The following ZNF83 variants were observed in gnomAD, a reference collection of about 807,000 sequenced individuals.
ZNF83 encodes the protein zinc finger protein 83, also known as zinc finger protein 816B.
For synonymous variants in ZNF83, 209 were observed against 213.0 expected (o/e 0.98, Z 0.17); for missense variants, 552 against 629.9 (o/e 0.88, Z 1.32).
chr19:52,621,531 CT>C (rs1190373609), intron 2 of ZNF83, among the ~76,000 whole-genome samples: 1 of 152,070 alleles, frequency 6.6e-6, no homozygotes, highest in Admixed American at 6.5e-5. Flanking sequence ...GGACACCTGC[CT>C]TGATCCTCCA....
At chr19:52,670,552 A>G (rs2061711720) in intron 1 of ZNF83, among the ~76,000 whole-genome samples, 1 of 152,234 alleles carries the variant, frequency 6.6e-6, no homozygotes, top group Middle Eastern at 3.2e-3. Context: ...TTTATTTACA[A>G]CACACTTAAA....
Position 52,634,968 on chromosome 19 carries a change from C to G in ZNF83, c.-234+98G>C, listed in dbSNP as rs913416324. ...GGTGAGTGTGAGCAAACCTGTCAGG[C>G]AGGACACTTCTTGAGACCCAGAGAA... On this transcript the variant is annotated intron_variant, in intron 2 of 2. Coordinates refer to ENST00000301096, the Ensembl canonical transcript of ZNF83. 12 of 617,142 alleles carry G rather than the reference C, an allele frequency of 1.9e-5. 2 individuals carry two copies. The South Asian group carries it at 2.0e-4, about 10-fold the overall frequency. The allele number at this position is 617,142 out of a possible 1,614,324, so 38.2% of individuals were successfully genotyped here.
At chr19:52,686,864 C>A (rs367983320) in intron 1 of ZNF83, among the ~76,000 whole-genome samples, 3 of 152,122 alleles carry the variant, frequency 2.0e-5, no homozygotes, top group African/African-American at 4.8e-5. Context: ...TGAGATACCA[C>A]ACCTGGCTTT....
At chr19:52,666,014 A>G (rs1248930807) in intron 1 of ZNF83, among the ~76,000 whole-genome samples, 2 of 151,308 alleles carry the variant, frequency 1.3e-5, no homozygotes, top group African/African-American at 4.9e-5. Context: ...AAAAAAAAAA[A>G]TTAGCCGGGC....
chr19:52,614,763 T>TGGTAATTCCTTGATCTCACATTTA lies in ZNF83; in HGVS notation c.-223_-200dup. On this transcript the variant is annotated 5_prime_UTR_variant, in exon 3 of 3. In the 5' UTR this introduces an upstream ATG that the reference lacks. Transcript: ENST00000301096. The stretch of plus-strand genomic sequence containing the variant: ...CTCCTGTATTACTCTCCTTTTTTGG[T>TGGTAATTCCTTGATCTCACATTTA]GGTAATTCCTTGATCTCACATTTAG... 2 of 1,289,750 alleles carry TGGTAATTCCTTGATCTCACATTTA rather than the reference T, an allele frequency of 1.6e-6. No individual in the cohort carries two copies. Among genetic ancestry groups the TGGTAATTCCTTGATCTCACATTTA allele is most frequent in the Non-Finnish European group, 2.0e-6 (2 of 1,011,146 alleles). 79.9% of individuals were successfully genotyped at this position (1,289,750 alleles called of 1,614,324 possible).
At chr19:52,632,927 G>A (rs771071310) in intron 2 of ZNF83, among the ~76,000 whole-genome samples, 6 of 151,980 alleles carry the variant, frequency 3.9e-5, no homozygotes, top group African/African-American at 9.7e-5. Flanking sequence ...AATCCCGCTC[G>A]AAGCAGCCCA....
intron 1 of ZNF83, among the ~76,000 whole-genome samples, chr19:52,671,951 G>A (rs1366039511): frequency 6.6e-6 from 1 of 152,068 alleles, no homozygotes; most frequent in Non-Finnish European, 1.5e-5. Flanking sequence ...TTATAAAATT[G>A]GCTGGGCACA....
intron 1 of ZNF83, among the ~76,000 whole-genome samples, chr19:52,679,361 AG>A: frequency 6.6e-6 from 1 of 152,354 alleles, no homozygotes; most frequent in Admixed American, 6.5e-5. Flanking sequence ...CTGTAATCCC[AG>A]CACTTTGGGA....
chr19:52,687,420 A>T lies in ZNF83; in HGVS notation c.-283+3023T>A, dbSNP rs868691595. The stretch of plus-strand genomic sequence containing the variant: ...TTTATATAGCTATATAAATTATAAT[A>T]TAAATTATAATTTATATAGCTATAT... On this transcript the variant is annotated intron_variant, in intron 1 of 5. Transcript: ENST00000594682. Among the ~76,000 whole-genome samples, 46 of 46,036 alleles carry T rather than the reference A, an allele frequency of 1.0e-3. 4 individuals are homozygous for T. Among genetic ancestry groups the T allele is most frequent in the African/African-American group, 8.1e-3 (42 of 5,162 alleles). The allele number at this position is 46,036 out of a possible 152,430, so 30.2% of individuals were successfully genotyped here. A position where few individuals can be genotyped will look rare whatever the true frequency, so the allele number is the denominator to read the frequency against.
At chr19:52,617,690 C>G (rs2060363316) in intron 2 of ZNF83, 1 of 143,066 alleles carries the variant, frequency 7.0e-6, no homozygotes, top group Admixed American at 7.3e-5. Flanking sequence ...GAGATCGTGT[C>G]ACTGCACTCC....
chr19:52,659,869 C>T (rs1205127753), intron 2 of ZNF83, among the ~76,000 whole-genome samples: 1 of 152,074 alleles, frequency 6.6e-6, no homozygotes, highest in Admixed American at 6.5e-5. Flanking sequence ...CTAACTCTCA[C>T]CCAAGAGGGA....
intron 3 of ZNF83, among the ~76,000 whole-genome samples, chr19:52,649,620 A>G (rs2061417846): frequency 6.6e-6 from 1 of 152,160 alleles, no homozygotes; most frequent in South Asian, 2.1e-4. Context: ...CGAGCATTTT[A>G]GATAAAACAG....
chr19:52,687,584 A>ATATATAATG lies in ZNF83; in HGVS notation c.-283+2858_-283+2859insCATTATATA, dbSNP rs1555792718. Among the ~76,000 whole-genome samples, 56 of 37,324 alleles carry ATATATAATG rather than the reference A, an allele frequency of 1.5e-3. 14 individuals are homozygous for ATATATAATG. The highest frequency in any genetic ancestry group is 0.015 in the African/African-American group (54 of 3,654). 24.5% of individuals were successfully genotyped at this position (37,324 alleles called of 152,430 possible). ...TTTTATATATATATAAATTTTATATATATATATATATAATGTATATATATA... is the reference window on the plus strand; with the variant it reads ...TTTTATATATATATAAATTTTATATATATATAATGTATATATATATAATGTATATATATA... On this transcript the variant is annotated intron_variant, in intron 1 of 5. Coordinates refer to the ZNF83 transcript ENST00000594682.
At chr19:52,667,642 G>C (rs1244072498) in intron 1 of ZNF83, among the ~76,000 whole-genome samples, 3 of 152,160 alleles carry the variant, frequency 2.0e-5, no homozygotes, top group African/African-American at 7.2e-5. Context: ...AATTCTGTGT[G>C]TAAACATACT....
At chr19:52,618,589 G>A (rs921243554) in intron 2 of ZNF83, 1 of 250,184 alleles carries the variant, frequency 4.0e-6, no homozygotes, top group Non-Finnish European at 7.6e-6. Flanking sequence ...TAGAGATGAC[G>A]TTTCGCCATG....
exon 3 of ZNF83, chr19:52,613,200 T>C (rs201237306): frequency 1.9e-6 from 3 of 1,614,106 alleles, no homozygotes; most frequent in African/African-American, 2.7e-5. Flanking sequence ...ATTTGAAAGG[T>C]TTCTCTCCAG....
At chr19:52,680,774 G>A (rs370869293) in intron 1 of ZNF83, among the ~76,000 whole-genome samples, 37 of 145,836 alleles carry the variant, frequency 2.5e-4, no homozygotes, top group African/African-American at 6.4e-4. Flanking sequence ...CACTACGCCC[G>A]GCTAATTTTT....
intron 1 of ZNF83, among the ~76,000 whole-genome samples, chr19:52,669,482 G>A (rs1476225094): frequency 1.3e-5 from 2 of 152,210 alleles, no homozygotes; most frequent in Non-Finnish European, 2.9e-5. Flanking sequence ...CTACCAGCCA[G>A]ATGTCTTGGG....
chr19:52,681,523 C>G (rs988353416), intron 1 of ZNF83, among the ~76,000 whole-genome samples: 5 of 152,156 alleles, frequency 3.3e-5, no homozygotes, highest in Non-Finnish European at 7.3e-5. Flanking sequence ...ATACACTGTT[C>G]TAAGTGCTTC....
Sources: gnomAD v4.1 joint callset for allele counts (sites outside exome capture counted in the v4.1 genomes callset) on GRCh38, gnomAD v4.1.1 for gene constraint, MANE v1.5 for transcripts, NCBI Gene and HGNC (gene_info 2026-07-23, HGNC 2026-07-21) for gene names.